KIF1A: variants seen among roughly 807,000 people sequenced by gnomAD.
KIF1A encodes kinesin-like protein KIF1A.
Under a neutral mutation model 227.3 loss-of-function variants are expected in KIF1A, and 46 were observed. The observed-to-expected ratio is 0.20, with a 90% confidence interval of 0.16 to 0.26. The LOEUF is 0.26. KIF1A is among the 10% of genes least tolerant of loss of function. The probability of loss-of-function intolerance (pLI) is 1.00; values close to 1 mark genes in which losing one functional copy is unlikely to be tolerated. For missense variants in KIF1A, 1,683 were observed against 2,485.9 expected (o/e 0.68, Z 6.87); for synonymous variants, 1,022 against 1,012.8 (o/e 1.01, Z -0.17).
chr2:240,786,658 G>A (rs1367498502), intron 5 of KIF1A, 145 bp from the exon 6 acceptor site: 6 of 668,816 alleles, frequency 9.0e-6, no homozygotes, highest in Middle Eastern at 4.5e-4. Context: ...CCCTGAGTGA[G>A]GGGGTGGGGG....
chr2:240,801,856 T>C (rs1423493041), intron 1 of KIF1A, among the ~76,000 whole-genome samples: 2 of 152,216 alleles, frequency 1.3e-5, no homozygotes, highest in East Asian at 3.9e-4. Context: ...AATTCTCTTA[T>C]TCACAAGCCA....
chr2:240,779,930 T>C (rs2053404420), intron 10 of KIF1A, among the ~76,000 whole-genome samples: 3 of 151,834 alleles, frequency 2.0e-5, no homozygotes, highest in Admixed American at 2.0e-4. Flanking sequence ...GGTGCTTCCG[T>C]TTTCAAACAG....
chr2:240,769,539 G>T (rs922545442), intron 16 of KIF1A, 88 bp downstream of exon 16: 2 of 1,099,966 alleles, frequency 1.8e-6, no homozygotes, highest in African/African-American at 3.1e-5. Flanking sequence ...CCCAGCACTG[G>T]AGGGCAGGGC....
In KIF1A at chr2:240,787,164, G is replaced by A. The variant is rs1337344938; in HGVS notation, c.429+87C>T. ...AGCTGGGCGTGCAGACCCGTGGTGG[G>A]CACTCACTTTGCATCAGAAAAGCAC... On this transcript the variant is annotated intron_variant, in intron 5 of 48. Coordinates refer to ENST00000498729, the MANE Select transcript of KIF1A (RefSeq NM_001244008.2). 4 of 1,074,010 alleles carry A rather than the reference G, an allele frequency of 3.7e-6. No individual in the cohort carries two copies. The Admixed American group carries it at 5.1e-5, about 14-fold the overall frequency. The allele number at this position is 1,074,010 out of a possible 1,614,324, so 66.5% of individuals were successfully genotyped here. A position where few individuals can be genotyped will look rare whatever the true frequency, so the allele number is the denominator to read the frequency against.
Position 240,745,526 on chromosome 2 carries a change from C to T in KIF1A, c.3375-9G>A, listed in dbSNP as rs1429028702. 6.2e-7 allele frequency: 1 copy of T among 1,604,290 alleles called. No homozygotes were observed. The highest frequency in any genetic ancestry group is 1.3e-5 in the African/African-American group (1 of 74,896). On this transcript the variant is annotated splice_polypyrimidine_tract_variant and intron_variant, in intron 31 of 48. Transcript: ENST00000498729. ...CGTGGCGGTGGATGAAGCTGCAAAG[C>T]AGAGGAGATGCTTTGGTGTGGGGTG...
At chr2:240,799,898 C>T (rs1472431100) in intron 1 of KIF1A, among the ~76,000 whole-genome samples, 1 of 152,112 alleles carries the variant, frequency 6.6e-6, no homozygotes, top group East Asian at 1.9e-4. Flanking sequence ...CAGTTCTCCC[C>T]AAATTTAGCT....
At chr2:240,773,302 A>G in intron 12 of KIF1A, 46 bp from the exon 13 acceptor site, 1 of 1,610,006 alleles carries the variant, frequency 6.2e-7, no homozygotes, top group Non-Finnish European at 8.5e-7. Flanking sequence ...ACAGGTCCAC[A>G]TCTGGCAGGT....
At position 240,740,555 on chromosome 2, in the gene KIF1A, C is replaced by A. The variant is rs1025204053; in HGVS notation, c.3750-191G>T. ...ACCCACCAGGCCTCCTTGGCTATCA[C>A]CTCCCAGCCCTGCCCACTGGACTGG... is the stretch of plus-strand genomic sequence containing the variant. On this transcript the variant is annotated intron_variant, in intron 35 of 48. Transcript: ENST00000498729. The surrounding 1 kb of genome is among the most constrained non-coding windows in gnomAD (Gnocchi z 6.1). Among the ~76,000 whole-genome samples the A allele has an allele frequency of 1.3e-5, 2 of 152,134 alleles. No individual in the cohort carries two copies. Among genetic ancestry groups the A allele is most frequent in the African/African-American group, 2.4e-5 (1 of 41,434 alleles).
At chr2:240,819,696 C>T (rs933070470) in intron 1 of KIF1A, among the ~76,000 whole-genome samples, 1 of 151,992 alleles carries the variant, frequency 6.6e-6, no homozygotes, top group African/African-American at 2.4e-5. Flanking sequence ...CTCCCCTCCC[C>T]CGCCGTCTGG....
chr2:240,777,703 G>A (rs1372616810), intron 10 of KIF1A, among the ~76,000 whole-genome samples: 5 of 152,274 alleles, frequency 3.3e-5, no homozygotes, highest in South Asian at 4.1e-4. Context: ...CTGAACACCC[G>A]CCCGCTGCTG....
intron 20 of KIF1A, among the ~76,000 whole-genome samples, chr2:240,765,324 C>T (rs2051035694): frequency 6.6e-6 from 1 of 152,258 alleles, no homozygotes. Context: ...CACTGAGCTC[C>T]ACAACACCTC....
chr2:240,746,933 G>A (rs1370260123), intron 29 of KIF1A, among the ~76,000 whole-genome samples: 2 of 152,182 alleles, frequency 1.3e-5, no homozygotes, highest in African/African-American at 4.8e-5. Context: ...ACAGGGTGGG[G>A]GTGGCTGCAC....
In KIF1A at chr2:240,773,081, C is replaced by A. The variant is rs375919438; in HGVS notation, c.1180+33G>T. ...GGCCCCTGAGCCTGAGGCCCCACAA[C>A]CCTGTCCAGGACAGGCTGGAGCAGG... On this transcript the variant is annotated intron_variant, in intron 13 of 48. Coordinates refer to ENST00000498729, the MANE Select transcript of KIF1A (RefSeq NM_001244008.2). 9.0e-5 allele frequency: 143 copies of A among 1,581,302 alleles called. No individual in the cohort carries two copies. The African/African-American group carries it at 1.7e-3, about 19-fold the overall frequency.
chr2:240,725,690 G>A lies in KIF1A; in HGVS notation c.4123-286C>T, dbSNP rs2045934212. On this transcript the variant is annotated intron_variant, in intron 39 of 48. Coordinates refer to ENST00000498729, the MANE Select transcript of KIF1A (RefSeq NM_001244008.2). The surrounding 1 kb of genome is among the most constrained non-coding windows in gnomAD (Gnocchi z 5.8). ...GGTCCCAGACATAGGCTCACTGCTCGGGCCTCAGCTGCCTCACCATAAAAT... is the reference window on the plus strand; with the variant it reads ...GGTCCCAGACATAGGCTCACTGCTCAGGCCTCAGCTGCCTCACCATAAAAT... 1.4e-5 allele frequency: 5 copies of A among 368,372 alleles called. No individual in the cohort carries two copies. The highest frequency in any genetic ancestry group is 7.0e-4 in the Middle Eastern group (1 of 1,420). The allele number at this position is 368,372 out of a possible 1,614,324, so 22.8% of individuals were successfully genotyped here.
intron 2 of KIF1A, among the ~76,000 whole-genome samples, chr2:240,796,296 G>A (rs1011443128): frequency 9.9e-5 from 15 of 152,170 alleles, no homozygotes; most frequent in South Asian, 2.1e-4. Flanking sequence ...CACTTTCTCC[G>A]ACCACAAAAG....
intron 17 of KIF1A, 61 bp from the exon 18 acceptor site, chr2:240,767,406 A>AC (rs2051347018): frequency 4.4e-6 from 6 of 1,371,316 alleles, no homozygotes; most frequent in Non-Finnish European, 6.2e-6. Context: ...TGCTGGCCAC[A>AC]CCCCCCTCCA....
chr2:240,787,228 C>T (rs1305927136), intron 5 of KIF1A, 23 bp downstream of exon 5: 17 of 1,603,050 alleles, frequency 1.1e-5, no homozygotes, highest in Non-Finnish European at 1.4e-5. Flanking sequence ...CCCCAGCGGC[C>T]AACGGCAGGC....
rs200184619 is a variant in KIF1A, at chr2:240,722,509, G to A, written c.4612C>T (p.Arg1538Cys). ...TTGGGAGCCTCCAGGGGTGATGGGC[G>A]GCCCTCAGCCGAGAGCGGGGAGGAG... ...SASSPLSAEG[R>C]PSPLEAPNER... The change falls in exon 43 of 49, where the codon CGC (arginine) becomes TGC (cysteine). Residue 1538 changes from arginine (R) to cysteine (C), a missense_variant. By Grantham distance (180) the Arg-to-Cys change is radical. This residue lies in a region of KIF1A where 384 missense variants were observed against 410.1 expected (regional missense o/e 0.94). Transcript: ENST00000498729. 3.5e-4 allele frequency: 538 copies of A among 1,548,000 alleles called. No individual in the cohort carries two copies. The African/African-American group carries it at 4.4e-3, about 13-fold the overall frequency.
rs1253107795 is a variant in KIF1A at position 240,745,876 on chromosome 2, G to C, written c.3236C>G (p.Ser1079Cys). The change falls in exon 31 of 49, where the codon TCT (serine) becomes TGT (cysteine). Residue 1079 changes from serine (S) to cysteine (C), a missense_variant. Ser to Cys is a moderately radical substitution (Grantham distance 112). Transcript: ENST00000498729. ...VPPEGLLLDS[S>C]EKAALDGPLD... ...GGGCCCATCCAGGGCGGCTTTCTCA[G>C]AGCTGTCTAGGAGGAGGCCTTCTGG... The C allele has an allele frequency of 6.2e-7, 1 of 1,611,288 alleles. No homozygotes were observed. Among genetic ancestry groups the C allele is most frequent in the East Asian group, 2.2e-5 (1 of 44,836 alleles).
Sources: allele counts gnomAD v4.1 joint callset (sites outside exome capture counted in the v4.1 genomes callset), GRCh38; gene constraint gnomAD v4.1.1; regional missense constraint gnomAD v4.1.1; non-coding constraint Gnocchi (gnomAD v3.1); transcripts MANE v1.5; gene names NCBI Gene and HGNC (gene_info 2026-07-23, HGNC 2026-07-21).